Variants in SLC30A9 observed in about 807,000 individuals in gnomAD.
SLC30A9 encodes the protein proton-coupled zinc antiporter SLC30A9, mitochondrial.
A neutral mutation model predicts 87.5 loss-of-function variants in SLC30A9; 58 were observed. The ratio of observed to expected loss-of-function variants is 0.66; its 90% CI spans 0.54 to 0.82. SLC30A9 has a LOEUF of 0.82. Ranked by LOEUF, SLC30A9 falls within the 40% of genes least tolerant of loss-of-function variation. The pLI is 0.00. For synonymous variants in SLC30A9, 234 were observed against 233.0 expected (o/e 1.00, Z -0.04); for missense variants, 557 against 679.1 (o/e 0.82, Z 2.00).
At chr4:42,080,581 G>A (rs775799172) in intron 17 of SLC30A9, among the ~76,000 whole-genome samples, 50 of 152,222 alleles carry the variant, frequency 3.3e-4, no homozygotes, top group Non-Finnish European at 6.2e-4. Flanking sequence ...GACTGCATAA[G>A]TAGCTGACCT....
In SLC30A9 at chr4:42,022,942, G is replaced by T. The variant is rs1716036230; in HGVS notation, c.527+12G>T. 1 of 1,463,710 alleles carries T rather than the reference G, an allele frequency of 6.8e-7. No homozygotes were observed. The highest frequency in any genetic ancestry group is 2.0e-5 in the Admixed American group (1 of 49,104). 90.7% of individuals were successfully genotyped at this position (1,463,710 alleles called of 1,614,324 possible). On this transcript the variant is annotated intron_variant, in intron 5 of 17. Transcript: ENST00000264451. ...GATGTGGAAGCAAAGTAAGAACATA[G>T]TTCTTTCAGAATAAAAGTGCAAACC...
In SLC30A9 at chr4:42,001,715, A is replaced by C; in HGVS notation, c.209A>C (p.Asn70Thr). ...AGTCAAGTAAAGTTGTACTCCACAA[A>C]TGTTCAGAAAGAAGGACAGGGATCA... is the stretch of plus-strand genomic sequence containing the variant. The part of the protein sequence containing the change: ...TLSQVKLYST[N>T]VQKEGQGSQT... Residue 70 changes from asparagine (N) to threonine (T), a missense_variant, in exon 2 of 18, where the codon AAT becomes ACT. Physicochemically the swap from Asn to Thr is moderately conservative, Grantham distance 65. This residue lies in a region of SLC30A9 where 467 missense variants were observed against 529.8 expected (regional missense o/e 0.88). Transcript: ENST00000264451. The C allele has an allele frequency of 1.2e-6, 2 of 1,611,714 alleles. No individual in the cohort carries two copies. Among genetic ancestry groups the C allele is most frequent in the Non-Finnish European group, 1.7e-6 (2 of 1,178,392 alleles).
intron 8 of SLC30A9, among the ~76,000 whole-genome samples, chr4:42,042,885 C>G (rs1716980867): frequency 6.6e-6 from 1 of 152,198 alleles, no homozygotes; most frequent in Non-Finnish European, 1.5e-5. Context: ...AAGGAACAGG[C>G]AGCAATGTTT....
intron 6 of SLC30A9, among the ~76,000 whole-genome samples, chr4:42,025,727 G>T (rs900051655): frequency 6.6e-6 from 1 of 151,456 alleles, no homozygotes; most frequent in African/African-American, 2.4e-5. Context: ...GTGCAGTGGC[G>T]CAATCTCAGC....
chr4:42,067,970 T>C (rs1400802199), intron 14 of SLC30A9, among the ~76,000 whole-genome samples: 2 of 152,184 alleles, frequency 1.3e-5, no homozygotes, highest in Non-Finnish European at 2.9e-5. Flanking sequence ...TACATATTTG[T>C]GGTTGTTTAT....
Position 42,067,162 on chromosome 4 carries a change from G to A in SLC30A9, c.1222G>A (p.Ala408Thr). 6 of 1,609,614 alleles carry A rather than the reference G, an allele frequency of 3.7e-6. No individual in the cohort carries two copies. The highest frequency in any genetic ancestry group is 5.1e-6 in the Non-Finnish European group (6 of 1,176,158). The change falls in exon 14 of 18, where the codon GCC becomes ACC. Residue 408 changes from alanine (A) to threonine (T), a missense_variant. Physicochemically the swap from Ala to Thr is moderately conservative, Grantham distance 58. Coordinates refer to ENST00000264451, the MANE Select transcript of SLC30A9 (RefSeq NM_006345.4). ...TAAVLGVIIA[A>T]TCMGLTSITG... ...TGCAGTCTTGGGAGTTATAATAGCA[G>A]CCACTTGCATGGGCCTTACTTCTAT...
chr4:42,018,325 C>A, intron 3 of SLC30A9, 155 bp downstream of exon 3: 1 of 845,400 alleles, frequency 1.2e-6, no homozygotes, highest in Non-Finnish European at 1.8e-6. Context: ...GATTTATTCT[C>A]TTACATATAA....
chr4:42,068,502 C>A (rs1326136752), intron 14 of SLC30A9, among the ~76,000 whole-genome samples: 1 of 152,190 alleles, frequency 6.6e-6, no homozygotes, highest in African/African-American at 2.4e-5. Context: ...ACCTTGGCCT[C>A]CCAAAGTGCT....
Position 42,087,474 on chromosome 4 carries a change from T to C in SLC30A9, c.*1348T>C, listed in dbSNP as rs1281533592. ...TACTGGAATGGAAATCTATGAATTATTGCAAATTGTAATGCTGGAAACAAA... is the reference window on the plus strand; with the variant it reads ...TACTGGAATGGAAATCTATGAATTACTGCAAATTGTAATGCTGGAAACAAA... On this transcript the variant is annotated 3_prime_UTR_variant, in exon 18 of 18. Transcript: ENST00000264451. The C allele has an allele frequency of 6.6e-6, 1 of 152,162 alleles. No homozygotes were observed. The highest frequency in any genetic ancestry group is 1.5e-5 in the Non-Finnish European group (1 of 68,034). The allele number at this position is 152,162 out of a possible 1,614,324, so 9.4% of individuals were successfully genotyped here.
chr4:41,995,786 C>T (rs142636066), intron 1 of SLC30A9, among the ~76,000 whole-genome samples: 11 of 152,204 alleles, frequency 7.2e-5, no homozygotes, highest in African/African-American at 2.4e-4. Flanking sequence ...CACAGCTCAC[C>T]GCAGCCTTGA....
rs1329498997 is a variant in SLC30A9 at position 42,029,576 on chromosome 4, T to C, written c.611-5699T>C. ...AAAGATTCAGCCCAGAAGGATGACA[T>C]GATTTTTGAAAATTGTGACAATGTG... On this transcript the variant is annotated intron_variant, in intron 6 of 17. Transcript: ENST00000264451. 12 of 698,084 alleles carry C rather than the reference T, an allele frequency of 1.7e-5. No homozygotes were observed. The East Asian group carries it at 3.0e-4, about 17-fold the overall frequency. The allele number at this position is 698,084 out of a possible 1,614,324, so 43.2% of individuals were successfully genotyped here. A position where few individuals can be genotyped will look rare whatever the true frequency, so the allele number is the denominator to read the frequency against.
chr4:42,050,443 GA>G (rs1302522883), intron 9 of SLC30A9, among the ~76,000 whole-genome samples: 1 of 152,126 alleles, frequency 6.6e-6, no homozygotes, highest in Admixed American at 6.5e-5. Flanking sequence ...TTGAAATACA[GA>G]AATATTTGTC....
intron 4 of SLC30A9, among the ~76,000 whole-genome samples, chr4:42,020,986 A>G (rs1344745897): frequency 6.6e-6 from 1 of 152,168 alleles, no homozygotes; most frequent in African/African-American, 2.4e-5. Flanking sequence ...ATCTGTTATT[A>G]TTAATTTTCT....
At chr4:42,055,653 G>A (rs952942065) in intron 9 of SLC30A9, among the ~76,000 whole-genome samples, 8 of 152,200 alleles carry the variant, frequency 5.3e-5, no homozygotes, top group African/African-American at 1.7e-4. Context: ...ATTGCACATC[G>A]TATCATTTAA....
chr4:42,035,427 A>C, intron 7 of SLC30A9, 94 bp downstream of exon 7: 10 of 1,407,112 alleles, frequency 7.1e-6, no homozygotes, highest in Non-Finnish European at 9.7e-6. Flanking sequence ...CTGTGATCTC[A>C]ATCTAAGATT....
chr4:42,030,031 G>A (rs1229610524), intron 6 of SLC30A9: 130 of 879,790 alleles, frequency 1.5e-4, no homozygotes, highest in South Asian at 1.1e-3. Flanking sequence ...ACTGAAATTC[G>A]CCTAGTGTAA....
chr4:42,060,373 G>A, intron 10 of SLC30A9, 127 bp downstream of exon 10: 3 of 722,612 alleles, frequency 4.2e-6, no homozygotes, highest in Admixed American at 2.1e-5. Flanking sequence ...TTCTTCCACT[G>A]TAGTATCTAA....
intron 9 of SLC30A9, among the ~76,000 whole-genome samples, chr4:42,049,901 GA>G (rs1717320298): frequency 6.6e-6 from 1 of 152,074 alleles, no homozygotes; most frequent in South Asian, 2.1e-4. Flanking sequence ...ACAATTAAAA[GA>G]CCTTCTAAAC....
At chr4:42,082,433 G>A (rs926987154) in intron 17 of SLC30A9, among the ~76,000 whole-genome samples, 1 of 152,100 alleles carries the variant, frequency 6.6e-6, no homozygotes, top group Non-Finnish European at 1.5e-5. Flanking sequence ...AGTTTAAATT[G>A]TAATTATTAT....
Sources: allele counts gnomAD v4.1 joint callset (sites outside exome capture counted in the v4.1 genomes callset), GRCh38; gene constraint gnomAD v4.1.1; regional missense constraint gnomAD v4.1.1; transcripts MANE v1.5; gene names NCBI Gene and HGNC (gene_info 2026-07-23, HGNC 2026-07-21).